The following CSMD1 variants were observed in gnomAD, a reference collection of about 807,000 sequenced individuals.
CSMD1 encodes the protein CUB and sushi domain-containing protein 1.
Under a neutral mutation model 417.5 loss-of-function variants are expected in CSMD1, and 213 were observed. The ratio of observed to expected loss-of-function variants is 0.51; its 90% CI spans 0.46 to 0.57. The LOEUF is 0.57. Ranked by LOEUF, CSMD1 falls within the 20% of genes least tolerant of loss-of-function variation. The probability of loss-of-function intolerance (pLI) is 0.00; values close to 1 mark genes in which losing one functional copy is unlikely to be tolerated. For missense variants in CSMD1, 6,923 were observed against 4,529.7 expected, an observed-to-expected ratio of 1.53 and a Z score of -15.17; for synonymous variants, 2,862 against 1,736.8, an observed-to-expected ratio of 1.65 and a Z score of -16.11.
intron 7 of CSMD1, among the ~76,000 whole-genome samples, chr8:3,648,223 A>T (rs891570862): frequency 3.3e-5 from 5 of 152,250 alleles, no homozygotes; most frequent in Non-Finnish European, 7.3e-5. Flanking sequence ...TACTAGAGAC[A>T]TGATTTTACT....
intron 3 of CSMD1, among the ~76,000 whole-genome samples, chr8:4,226,696 G>C (rs554728629): frequency 4.6e-5 from 7 of 151,516 alleles, no homozygotes; most frequent in Admixed American, 4.6e-4. Context: ...AAAATTTTAC[G>C]TCCTCTTTAA....
intron 12 of CSMD1, among the ~76,000 whole-genome samples, chr8:3,447,510 G>C (rs574061823): frequency 2.8e-4 from 43 of 152,304 alleles, no homozygotes; most frequent in African/African-American, 1.0e-3. Context: ...TGCAGGCAGT[G>C]TACTTTGTGC....
intron 10 of CSMD1, among the ~76,000 whole-genome samples, chr8:3,509,546 A>G (rs572089629): frequency 2.0e-4 from 31 of 152,330 alleles, no homozygotes; most frequent in African/African-American, 6.5e-4. Context: ...GATTGCCTCT[A>G]AATTTTATTC....
rs747034786 is a variant in CSMD1 at position 3,223,852 on chromosome 8, T to G, written c.4361A>C (p.Asn1454Thr). The change falls in exon 28 of 70, where the codon AAT becomes ACT. Residue 1454 changes from asparagine (N) to threonine (T), a missense_variant. By Grantham distance (65) the Asn-to-Thr change is moderately conservative. Coordinates refer to ENST00000635120, the MANE Select transcript of CSMD1 (RefSeq NM_033225.6). ...PPTCIAACGGNLTGPAGVILS... is the reference protein window; with the variant it reads ...PPTCIAACGGTLTGPAGVILS... ...AATAACACCTGCTGGGCCCGTCAGA[T>G]TCCCTCCACAAGCAGCTGTCACAGA... 1 of 1,613,790 alleles carries G rather than the reference T, an allele frequency of 6.2e-7. No individual in the cohort carries two copies.
intron 1 of CSMD1, among the ~76,000 whole-genome samples, chr8:4,762,242 T>C (rs568558162): frequency 3.9e-5 from 6 of 152,224 alleles, no homozygotes; most frequent in Admixed American, 3.3e-4. Flanking sequence ...TGCGCTATTT[T>C]AAAATCTAAA....
Position 3,387,481 on chromosome 8 carries a change from G to A in CSMD1, c.2782+13C>T, listed in dbSNP as rs1377248533. On this transcript the variant is annotated intron_variant, in intron 18 of 69. Transcript: ENST00000635120. ...CACCCTGCTGGTGCATTGCCTCACT[G>A]AGCTGTACCTACCGTCGCAGCTGGG... 7 of 1,587,120 alleles carry A rather than the reference G, an allele frequency of 4.4e-6. No individual in the cohort carries two copies. The highest frequency in any genetic ancestry group is 6.0e-6 in the Non-Finnish European group (7 of 1,165,994).
chr8:3,671,708 T>C (rs1799077512), intron 7 of CSMD1, among the ~76,000 whole-genome samples: 1 of 151,786 alleles, frequency 6.6e-6, no homozygotes, highest in South Asian at 2.1e-4. Flanking sequence ...TTCATCTTAT[T>C]CGTGTTGCAT....
chr8:2,962,502 C>G lies in CSMD1; in HGVS notation c.9592G>C (p.Asp3198His), dbSNP rs373844144. 2.4e-5 allele frequency: 39 copies of G among 1,613,920 alleles called. No homozygotes were observed. In the African/African-American group the frequency reaches 4.9e-4, roughly 20 times the overall value. Reference protein sequence around the residue: ...VGSSRRVCQADGTWSGIQPTC... With the variant: ...VGSSRRVCQAHGTWSGIQPTC... ...GGTTGTATGCCGCTCCACGTGCCGT[C>G]AGCTTGGCAGACTCTTCTGGAGGAT... The change falls in exon 61 of 70, where the codon GAC (aspartate) becomes CAC (histidine). Residue 3198 changes from aspartate to histidine, a missense_variant. Physicochemically the swap from Asp to His is moderately conservative, Grantham distance 81. Coordinates refer to ENST00000635120, the MANE Select transcript of CSMD1 (RefSeq NM_033225.6).
chr8:3,418,873 T>C (rs201820064), intron 12 of CSMD1, among the ~76,000 whole-genome samples: 5 of 152,152 alleles, frequency 3.3e-5, no homozygotes, highest in African/African-American at 7.2e-5. Flanking sequence ...TTTAAAGACA[T>C]AGAAAACGAA....
chr8:3,258,290 G>A (rs995221535), intron 26 of CSMD1, among the ~76,000 whole-genome samples: 4 of 152,128 alleles, frequency 2.6e-5, no homozygotes, highest in Admixed American at 1.3e-4. Context: ...CAAAGGACAT[G>A]AACAGACACT....
intron 3 of CSMD1, among the ~76,000 whole-genome samples, chr8:4,217,983 G>C (rs998029800): frequency 1.3e-5 from 2 of 152,190 alleles, no homozygotes; most frequent in Non-Finnish European, 2.9e-5. Context: ...GTGGGAAACA[G>C]TGAAGAAGAA....
intron 3 of CSMD1, among the ~76,000 whole-genome samples, chr8:4,045,091 G>A (rs1002650906): frequency 2.6e-5 from 4 of 152,122 alleles, no homozygotes; most frequent in African/African-American, 7.2e-5. Context: ...GGCCACAGAC[G>A]GGGCACAGGG....
intron 5 of CSMD1, among the ~76,000 whole-genome samples, chr8:3,822,357 G>C (rs758471390): frequency 6.6e-6 from 1 of 152,040 alleles, no homozygotes; most frequent in African/African-American, 2.4e-5. Flanking sequence ...TTTAAAAGTC[G>C]TTGAACTGTA....
intron 12 of CSMD1, among the ~76,000 whole-genome samples, chr8:3,453,847 C>G (rs766878763): frequency 1.8e-4 from 27 of 152,110 alleles, no homozygotes; most frequent in African/African-American, 2.4e-4. Flanking sequence ...GCAGAGCTGA[C>G]TTCAATTCCT....
intron 25 of CSMD1, among the ~76,000 whole-genome samples, chr8:3,292,579 T>C (rs917010515): frequency 1.3e-5 from 2 of 152,230 alleles, no homozygotes; most frequent in African/African-American, 2.4e-5. Context: ...TACCATTATG[T>C]AATGGCCTTC....
At chr8:4,224,099 G>T (rs185692202) in intron 3 of CSMD1, among the ~76,000 whole-genome samples, 1 of 152,116 alleles carries the variant, frequency 6.6e-6, no homozygotes, top group African/African-American at 2.4e-5. Flanking sequence ...TGAGGATTTT[G>T]CCAGGCTAAG....
chr8:3,814,440 A>G (rs980059311), intron 5 of CSMD1, among the ~76,000 whole-genome samples: 2 of 152,236 alleles, frequency 1.3e-5, no homozygotes, highest in Non-Finnish European at 2.9e-5. Context: ...AGAGCATGAC[A>G]GAATTGTCAT....
chr8:4,349,363 AT>A (rs1563080969), intron 3 of CSMD1, among the ~76,000 whole-genome samples: 1 of 152,140 alleles, frequency 6.6e-6, no homozygotes, highest in Non-Finnish European at 1.5e-5. Context: ...CGTATTTTAC[AT>A]TTTTCTTAAA....
At chr8:3,522,097 A>G (rs1183835244) in intron 10 of CSMD1, among the ~76,000 whole-genome samples, 1 of 152,238 alleles carries the variant, frequency 6.6e-6, no homozygotes, top group Non-Finnish European at 1.5e-5. Flanking sequence ...AAATTGCATT[A>G]ACTTTTTTTA....
Sources: allele counts gnomAD v4.1 joint callset (sites outside exome capture counted in the v4.1 genomes callset), GRCh38; gene constraint gnomAD v4.1.1; transcripts MANE v1.5; gene names NCBI Gene and HGNC (gene_info 2026-07-23, HGNC 2026-07-21).